Variants in JAKMIP3 observed in about 807,000 individuals in gnomAD.
JAKMIP3 encodes the protein janus kinase and microtubule-interacting protein 3.
JAKMIP3 carries 58 observed loss-of-function variants against 118.5 expected under a neutral mutation model. The ratio of observed to expected loss-of-function variants is 0.49; its 90% CI spans 0.40 to 0.61. The LOEUF is 0.61. JAKMIP3 is among the 20% of genes least tolerant of loss of function. The pLI is 0.00. For synonymous variants in JAKMIP3, 486 were observed against 451.2 expected, an observed-to-expected ratio of 1.08 and a Z score of -0.98; for missense variants, 950 against 1,109.0, an observed-to-expected ratio of 0.86 and a Z score of 2.04.
At chr10:132,180,724 T>TGCAC (rs71228746) in intron 23 of JAKMIP3, among the ~76,000 whole-genome samples, 2 of 19,110 alleles carry the variant, frequency 1.0e-4, no homozygotes, top group African/African-American at 5.5e-4. Flanking sequence ...TGTGTGCGTG[T>TGCAC]GTGTGCGTGT....
At chr10:132,081,568 A>G (rs903153346) in intron 1 of JAKMIP3, among the ~76,000 whole-genome samples, 2 of 152,098 alleles carry the variant, frequency 1.3e-5, no homozygotes, top group African/African-American at 2.4e-5. Flanking sequence ...CAGTGCCCGC[A>G]TCTTTACTAA....
chr10:132,053,711 C>T (rs774979991), intron 1 of JAKMIP3, among the ~76,000 whole-genome samples: 38 of 152,210 alleles, frequency 2.5e-4, no homozygotes, highest in East Asian at 3.9e-4. Context: ...GAGGGTTTGG[C>T]GCTGTTGGAG....
At chr10:132,079,353 C>T (rs965920856) in intron 1 of JAKMIP3, among the ~76,000 whole-genome samples, 1 of 152,164 alleles carries the variant, frequency 6.6e-6, no homozygotes, top group African/African-American at 2.4e-5. Flanking sequence ...ACTGCCTTTC[C>T]TGGGTCTCAT....
At chr10:132,142,614 C>T (rs950434397) in intron 11 of JAKMIP3, among the ~76,000 whole-genome samples, 2 of 152,140 alleles carry the variant, frequency 1.3e-5, no homozygotes, top group Admixed American at 1.3e-4. Context: ...CTGGCGGGTG[C>T]CCTCTGCGGG....
At chr10:132,145,461 C>T (rs767578119) in intron 12 of JAKMIP3, 57 bp from the exon 13 acceptor site, 25 of 1,449,362 alleles carry the variant, frequency 1.7e-5, no homozygotes, top group Middle Eastern at 2.1e-4. Context: ...ACGATTTAAA[C>T]GTTGGTTTAT....
chr10:132,096,900 C>T (rs1010071047), intron 1 of JAKMIP3, among the ~76,000 whole-genome samples: 3 of 152,202 alleles, frequency 2.0e-5, no homozygotes, highest in African/African-American at 4.8e-5. Context: ...AACCCAGAGC[C>T]AACTGGCTCA....
intron 3 of JAKMIP3, among the ~76,000 whole-genome samples, chr10:132,124,897 C>T (rs888149715): frequency 7.9e-5 from 12 of 152,204 alleles, no homozygotes; most frequent in African/African-American, 1.2e-4. Context: ...TTTAGGACAG[C>T]GGCAAGAAAG....
At position 132,141,952 on chromosome 10, in the gene JAKMIP3, C is replaced by T; in HGVS notation, c.1506C>T (p.Phe502=). Residue 502 remains phenylalanine (F), a synonymous_variant, in exon 11 of 24, where the codon TTC becomes TTT. Coordinates refer to ENST00000684848, the MANE Select transcript of JAKMIP3 (RefSeq NM_001323087.2). ...CCAAGGAGGAGACGGAGCTGAGGTT[C>T]CGGCAGCTGACCATGGAGTACCAGG... ...GMAKEETELR[F]RQLTMEYQAL... is the part of the protein sequence containing the mutation. 1 of 1,595,982 alleles carries T rather than the reference C, an allele frequency of 6.3e-7. No homozygotes were observed.
chr10:132,130,419 G>T (rs779635702), intron 3 of JAKMIP3, among the ~76,000 whole-genome samples: 1 of 152,226 alleles, frequency 6.6e-6, no homozygotes, highest in African/African-American at 2.4e-5. Context: ...CTCACAAGGC[G>T]CATTCGTGTG....
intron 3 of JAKMIP3, among the ~76,000 whole-genome samples, chr10:132,132,576 C>T (rs1294282807): frequency 6.6e-6 from 1 of 152,236 alleles, no homozygotes; most frequent in Non-Finnish European, 1.5e-5. Flanking sequence ...GGCCGCCGAC[C>T]TCTCACAGCC....
upstream of JAKMIP3, among the ~76,000 whole-genome samples, chr10:132,061,241 GGCGCACACACACACCTGCCGTGATGGC>G (rs2038387240): frequency 3.1e-5 from 1 of 31,946 alleles, no homozygotes; most frequent in Non-Finnish European, 5.7e-5. Context: ...CTGCCGTGAC[GGCGCACACACACACCTGCCGTGATGGC>G]GCGCACACAC....
At chr10:132,073,181 TTTC>T (rs1198809832) in intron 1 of JAKMIP3, among the ~76,000 whole-genome samples, 5 of 152,130 alleles carry the variant, frequency 3.3e-5, no homozygotes, top group African/African-American at 4.8e-5. Flanking sequence ...TTGATCTTCT[TTTC>T]TTTTCTTTTC....
intron 19 of JAKMIP3, among the ~76,000 whole-genome samples, chr10:132,155,988 G>T (rs2057043889): frequency 6.6e-6 from 1 of 152,174 alleles, no homozygotes; most frequent in Non-Finnish European, 1.5e-5. Flanking sequence ...AGCTTACCCA[G>T]GCAGTCCTCT....
chr10:132,128,684 TTG>T (rs2050053328), intron 3 of JAKMIP3, among the ~76,000 whole-genome samples: 1 of 152,114 alleles, frequency 6.6e-6, no homozygotes. Context: ...TTTTAAACCT[TTG>T]TAATGAATTT....
At chr10:132,047,068 G>A (rs2133789996) in intron 1 of JAKMIP3, among the ~76,000 whole-genome samples, 1 of 152,242 alleles carries the variant, frequency 6.6e-6, no homozygotes, top group Middle Eastern at 3.4e-3. Context: ...TTTTTTGTGT[G>A]TGGAGACAGG....
chr10:132,159,426 G>A (rs1478424883), intron 19 of JAKMIP3, among the ~76,000 whole-genome samples: 4 of 80,070 alleles, frequency 5.0e-5, no homozygotes, highest in East Asian at 3.2e-4. Flanking sequence ...TGTGGATGCC[G>A]GGGGTGTGTT....
intron 1 of JAKMIP3, among the ~76,000 whole-genome samples, chr10:132,039,864 A>G (rs550060263): frequency 6.6e-6 from 1 of 152,360 alleles, no homozygotes; most frequent in African/African-American, 2.4e-5. Context: ...TCTGCAAGTC[A>G]CGCTGTGTGT....
At chr10:132,088,744 C>G (rs11146158) in intron 1 of JAKMIP3, among the ~76,000 whole-genome samples, 53,905 of 151,656 alleles carry the variant, frequency 0.36, 10,027 homozygotes, top group African/African-American at 0.48. Flanking sequence ...GGCTTTTGTT[C>G]CCATTGCTTT....
intron 1 of JAKMIP3, among the ~76,000 whole-genome samples, chr10:132,069,652 A>G (rs910651934): frequency 6.6e-6 from 1 of 152,134 alleles, no homozygotes; most frequent in African/African-American, 2.4e-5. Flanking sequence ...AGTTTCATTA[A>G]AGAGCGCAAT....
Sources: gnomAD v4.1 joint callset for allele counts (sites outside exome capture counted in the v4.1 genomes callset) on GRCh38, gnomAD v4.1.1 for gene constraint, MANE v1.5 for transcripts, NCBI Gene and HGNC (gene_info 2026-07-23, HGNC 2026-07-21) for gene names.